The following DAB1 variants were observed in gnomAD, a reference collection of about 807,000 sequenced individuals.
DAB1 encodes the protein DAB adaptor protein 1.
Under a neutral mutation model 64.6 loss-of-function variants are expected in DAB1, and 15 were observed. The ratio of observed to expected loss-of-function variants is 0.23; its 90% CI spans 0.16 to 0.36. The LOEUF (loss-of-function observed/expected upper bound fraction) is 0.36, where lower values mean the gene tolerates loss of function less well. Among genes scored for constraint, DAB1 ranks in the 10% least tolerant of loss-of-function variants. DAB1 has a pLI of 1.00. For missense variants in DAB1, 596 were observed against 706.7 expected (o/e 0.84, Z 1.78); for synonymous variants, 235 against 251.9 (o/e 0.93, Z 0.64).
At chr1:57,496,161 G>A (rs1644227524) in intron 7 of DAB1, among the ~76,000 whole-genome samples, 1 of 152,112 alleles carries the variant, frequency 6.6e-6, no homozygotes, top group South Asian at 2.1e-4. Context: ...ATTACTGTTA[G>A]GTAAATTTCT....
chr1:58,421,402 C>T (rs1569756467), intron 3 of DAB1, among the ~76,000 whole-genome samples: 1 of 152,172 alleles, frequency 6.6e-6, no homozygotes. Context: ...AAAGTCCACT[C>T]CAGCTCTGGA....
chr1:57,392,144 C>T lies in DAB1; in HGVS notation c.-137+31786G>A, dbSNP rs376179875. Among the ~76,000 whole-genome samples, 100 of 152,198 alleles carry T rather than the reference C, an allele frequency of 6.6e-4. 1 individual carries two copies. In the South Asian group the frequency reaches 0.015, roughly 22 times the overall value. ...ATCCCAGCACTTTGGGAGGCCAAGG[C>T]GGACAGATCACAAGATCAGGAGATC... On this transcript the variant is annotated intron_variant, in intron 1 of 14. Coordinates refer to ENST00000371236, the MANE Select transcript of DAB1 (RefSeq NM_001365792.1).
chr1:57,153,707 G>A (rs1314356999), intron 2 of DAB1, among the ~76,000 whole-genome samples: 2 of 151,624 alleles, frequency 1.3e-5, no homozygotes, highest in African/African-American at 2.4e-5. Flanking sequence ...GCGCAATCTC[G>A]GCTCACTGCA....
At chr1:58,406,621 A>T (rs939305396) in intron 3 of DAB1, among the ~76,000 whole-genome samples, 2 of 152,158 alleles carry the variant, frequency 1.3e-5, no homozygotes, top group African/African-American at 4.8e-5. Context: ...TCTTCAGGAG[A>T]CGTAGCCTTC....
intron 7 of DAB1, among the ~76,000 whole-genome samples, chr1:57,489,656 C>T (rs2101271305): frequency 6.7e-6 from 1 of 148,540 alleles, no homozygotes; most frequent in Non-Finnish European, 1.5e-5. Context: ...CTATCTTTTG[C>T]CCAGCTGAAG....
intron 3 of DAB1, among the ~76,000 whole-genome samples, chr1:58,442,945 G>C (rs1645028421): frequency 6.6e-6 from 1 of 152,168 alleles, no homozygotes; most frequent in South Asian, 2.1e-4. Context: ...GATTCTAGGA[G>C]ACAGTATATG....
chr1:58,100,392 CCT>C (rs1225174514), intron 5 of DAB1, among the ~76,000 whole-genome samples: 1 of 152,074 alleles, frequency 6.6e-6, no homozygotes, highest in Non-Finnish European at 1.5e-5. Context: ...GAATTTTATT[CCT>C]CTTTAAGGGG....
At chr1:57,008,018 C>T (rs1000130840) in intron 14 of DAB1, among the ~76,000 whole-genome samples, 2 of 152,220 alleles carry the variant, frequency 1.3e-5, no homozygotes, top group African/African-American at 2.4e-5. Flanking sequence ...CTGGCATCTG[C>T]CCCTTGGCAC....
chr1:57,974,266 C>T (rs937987345), intron 5 of DAB1, among the ~76,000 whole-genome samples: 1 of 152,128 alleles, frequency 6.6e-6, no homozygotes, highest in African/African-American at 2.4e-5. Flanking sequence ...TTTCATTACC[C>T]CATTTTATTT....
chr1:58,244,522 CT>C (rs761225334), intron 4 of DAB1, among the ~76,000 whole-genome samples: 3 of 152,150 alleles, frequency 2.0e-5, no homozygotes, highest in Non-Finnish European at 2.9e-5. Context: ...TGGACAAAAG[CT>C]TTTGCAAGTT....
At chr1:58,001,059 CT>C (rs1397310578) in intron 5 of DAB1, among the ~76,000 whole-genome samples, 2 of 151,806 alleles carry the variant, frequency 1.3e-5, no homozygotes, top group Non-Finnish European at 2.9e-5. Context: ...CTAAATCATG[CT>C]TTTTTCCCCT....
In DAB1 at chr1:58,348,768, T is replaced by C. The variant is rs1157266394; in HGVS notation, n.258-5365A>G. 2.0e-5 allele frequency among the ~76,000 whole-genome samples: 3 copies of C among 152,194 alleles called. No homozygotes were observed. In the East Asian group the frequency reaches 5.8e-4, roughly 29 times the overall value. ...CACGTTGGGAAGTTTTTTTGGCACA[T>C]GAAATGCTAAATTAGAGTAAATAAA... On this transcript the variant is annotated intron_variant and non_coding_transcript_variant, in intron 3 of 20. Transcript: ENST00000485760.
At chr1:57,089,158 G>A (rs970741911) in intron 4 of DAB1, among the ~76,000 whole-genome samples, 1 of 152,202 alleles carries the variant, frequency 6.6e-6, no homozygotes, top group African/African-American at 2.4e-5. Context: ...TTAGCATCGT[G>A]TCCAGAATAC....
chr1:57,238,594 T>C (rs1306694898), intron 2 of DAB1, among the ~76,000 whole-genome samples: 2 of 152,130 alleles, frequency 1.3e-5, no homozygotes, highest in African/African-American at 2.4e-5. Flanking sequence ...GTATCAATCC[T>C]CTTGGTATCA....
intron 6 of DAB1, among the ~76,000 whole-genome samples, chr1:57,720,478 C>G (rs544038822): frequency 1.3e-5 from 2 of 152,154 alleles, no homozygotes; most frequent in Non-Finnish European, 2.9e-5. Flanking sequence ...GTTTTAATTC[C>G]GGCATGAAGA....
chr1:57,353,226 C>A (rs895586943), intron 1 of DAB1, among the ~76,000 whole-genome samples: 1 of 151,790 alleles, frequency 6.6e-6, no homozygotes, highest in Non-Finnish European at 1.5e-5. Flanking sequence ...CACCAACTTT[C>A]ATTATCTTTT....
At chr1:57,589,447 G>A (rs559316450) in intron 7 of DAB1, among the ~76,000 whole-genome samples, 7 of 151,910 alleles carry the variant, frequency 4.6e-5, no homozygotes, top group Non-Finnish European at 8.8e-5. Context: ...TACCAATAAA[G>A]AAAAAGACAA....
chr1:57,327,719 C>T (rs148169529), intron 1 of DAB1, among the ~76,000 whole-genome samples: 18 of 152,264 alleles, frequency 1.2e-4, no homozygotes, highest in African/African-American at 4.3e-4. Context: ...TTAACCAAAA[C>T]AAGAAGGAAA....
chr1:57,354,678 T>C (rs1454704133), intron 1 of DAB1, among the ~76,000 whole-genome samples: 1 of 151,876 alleles, frequency 6.6e-6, no homozygotes, highest in Non-Finnish European at 1.5e-5. Flanking sequence ...GTCCTGAGAG[T>C]CTGAAAAAGG....
Sources: allele counts gnomAD v4.1 joint callset (sites outside exome capture counted in the v4.1 genomes callset), GRCh38; gene constraint gnomAD v4.1.1; transcripts MANE v1.5; gene names NCBI Gene and HGNC (gene_info 2026-07-23, HGNC 2026-07-21).